The following NTN1 variants were observed in gnomAD, a reference collection of about 807,000 sequenced individuals.
NTN1 encodes the protein netrin 1.
NTN1 carries 11 observed loss-of-function variants against 54.2 expected under a neutral mutation model. That is an observed-to-expected ratio of 0.20 (90% CI 0.13 to 0.34). The LOEUF is 0.34. Ranked by LOEUF, NTN1 falls within the 10% of genes least tolerant of loss-of-function variation. NTN1 has a pLI of 1.00. For synonymous variants in NTN1, 371 were observed against 382.0 expected (o/e 0.97, Z 0.33); for missense variants, 740 against 893.1 (o/e 0.83, Z 2.18).
intron 6 of NTN1, among the ~76,000 whole-genome samples, chr17:9,231,357 C>G (rs1024930089): frequency 1.3e-5 from 2 of 152,248 alleles, no homozygotes; most frequent in Non-Finnish European, 2.9e-5. Flanking sequence ...TTTGCAAGCC[C>G]TGACCCCTGA....
chr17:9,183,616 C>T (rs139959681), intron 5 of NTN1: 1 of 254,102 alleles, frequency 3.9e-6, no homozygotes, highest in East Asian at 1.3e-4. Context: ...AGTTACTAGA[C>T]CTGCTGCTAG....
chr17:9,144,161 T>G, intron 2 of NTN1, among the ~76,000 whole-genome samples: 1 of 151,970 alleles, frequency 6.6e-6, no homozygotes, highest in East Asian at 1.9e-4. Flanking sequence ...CTCCTAAAGT[T>G]CTAGGATTAC....
chr17:9,147,225 T>G (rs2092316141), intron 2 of NTN1, among the ~76,000 whole-genome samples: 1 of 152,224 alleles, frequency 6.6e-6, no homozygotes, highest in African/African-American at 2.4e-5. Context: ...GGAAATCCCT[T>G]CCATTAGCTC....
chr17:9,167,303 T>C (rs1414758984), intron 3 of NTN1, among the ~76,000 whole-genome samples: 3 of 152,198 alleles, frequency 2.0e-5, no homozygotes, highest in Non-Finnish European at 4.4e-5. Context: ...CTTTGGGGGC[T>C]CTTTCTCTTT....
chr17:9,088,225 A>G (rs976285077), intron 2 of NTN1, among the ~76,000 whole-genome samples: 2 of 152,214 alleles, frequency 1.3e-5, no homozygotes, highest in African/African-American at 4.8e-5. Flanking sequence ...GTGGGTGCCC[A>G]GTGGGTGTCC....
At chr17:9,213,994 GAC>G (rs1194982481) in intron 5 of NTN1, among the ~76,000 whole-genome samples, 2 of 151,762 alleles carry the variant, frequency 1.3e-5, no homozygotes, top group Non-Finnish European at 2.9e-5. Flanking sequence ...AGTTAAACAT[GAC>G]AGTGTTTTGT....
chr17:9,083,740 A>G (rs1313161704), intron 2 of NTN1, among the ~76,000 whole-genome samples: 1 of 152,240 alleles, frequency 6.6e-6, no homozygotes, highest in Non-Finnish European at 1.5e-5. Context: ...AAGGACAGGT[A>G]GAAGACACTA....
In NTN1 at chr17:9,221,572, C is replaced by G. The variant is rs1464690113; in HGVS notation, c.1486+330C>G. Among the ~76,000 whole-genome samples, 2 of 152,212 alleles carry G rather than the reference C, an allele frequency of 1.3e-5. No homozygotes were observed. The highest frequency in any genetic ancestry group is 4.8e-5 in the African/African-American group (2 of 41,442). On this transcript the variant is annotated intron_variant, in intron 6 of 6. Coordinates refer to ENST00000173229, the MANE Select transcript of NTN1 (RefSeq NM_004822.3). This position sits in a 1 kb window ranked among gnomAD's most constrained non-coding sequence, Gnocchi z 4.5. ...GCTTTACCTCTGTGGTCTTCTGTGT[C>G]TGCATCATACTGCGGGGATTTGACC...
chr17:9,220,223 C>T (rs1905300816), intron 5 of NTN1, among the ~76,000 whole-genome samples: 1 of 152,152 alleles, frequency 6.6e-6, no homozygotes. Context: ...CCTCAGTCTT[C>T]TTGTCTGTGG....
At chr17:9,035,983 C>G (rs2091902170) in intron 2 of NTN1, among the ~76,000 whole-genome samples, 1 of 152,184 alleles carries the variant, frequency 6.6e-6, no homozygotes, top group African/African-American at 2.4e-5. Flanking sequence ...GATGGTGCCA[C>G]TGCACTCCAG....
intron 3 of NTN1, among the ~76,000 whole-genome samples, chr17:9,178,151 TA>T (rs2092406180): frequency 6.6e-6 from 1 of 152,188 alleles, no homozygotes; most frequent in African/African-American, 2.4e-5. Flanking sequence ...GAGCCGAGAT[TA>T]CGCCATTGCA....
At chr17:9,191,342 C>T (rs1277585575) in intron 5 of NTN1, among the ~76,000 whole-genome samples, 3 of 152,148 alleles carry the variant, frequency 2.0e-5, no homozygotes, top group Non-Finnish European at 4.4e-5. Context: ...TGCCTGTAAT[C>T]CCAGTTACTC....
At chr17:9,126,279 C>A (rs1231333229) in intron 2 of NTN1, among the ~76,000 whole-genome samples, 1 of 152,180 alleles carries the variant, frequency 6.6e-6, no homozygotes. Context: ...GAGGCCAAGG[C>A]GGGTAGATCA....
chr17:9,236,720 C>A (rs1055359617), intron 6 of NTN1, among the ~76,000 whole-genome samples: 1 of 152,180 alleles, frequency 6.6e-6, no homozygotes, highest in Non-Finnish European at 1.5e-5. Context: ...TCTGGACTCC[C>A]GGCAGCAAGG....
chr17:9,197,874 T>C (rs1904680312), intron 5 of NTN1, among the ~76,000 whole-genome samples: 1 of 152,142 alleles, frequency 6.6e-6, no homozygotes, highest in South Asian at 2.1e-4. Context: ...CACTTCAGCA[T>C]CTAAAAATCT....
chr17:9,092,574 G>A (rs2092115259), intron 2 of NTN1, among the ~76,000 whole-genome samples: 1 of 152,010 alleles, frequency 6.6e-6, no homozygotes, highest in African/African-American at 2.4e-5. Flanking sequence ...ACAGGTGTGA[G>A]CCATGGCGCC....
chr17:9,239,463 G>A lies in NTN1; in HGVS notation c.1487-177G>A, dbSNP rs1906108985. Among the ~76,000 whole-genome samples the A allele has an allele frequency of 6.6e-6, 1 of 152,194 alleles. No homozygotes were observed. The highest frequency in any genetic ancestry group is 2.4e-5 in the African/African-American group (1 of 41,460). Reference sequence around the variant, plus strand: ...GTGGGAGGCAAGGCTTCTTGGCCCTGTTGTTAGCAGGTGGGGGTCTACGAT... The same window carrying A: ...GTGGGAGGCAAGGCTTCTTGGCCCTATTGTTAGCAGGTGGGGGTCTACGAT... On this transcript the variant is annotated intron_variant, in intron 6 of 6. Coordinates refer to ENST00000173229, the MANE Select transcript of NTN1 (RefSeq NM_004822.3). This position sits in a 1 kb window ranked among gnomAD's most constrained non-coding sequence, Gnocchi z 5.2.
chr17:9,028,088 G>A (rs1371691720), intron 2 of NTN1, among the ~76,000 whole-genome samples: 1 of 151,848 alleles, frequency 6.6e-6, no homozygotes, highest in African/African-American at 2.4e-5. Context: ...TCACGCCACT[G>A]TACTCCAGCC....
At chr17:9,190,980 T>C (rs372342665) in intron 5 of NTN1, among the ~76,000 whole-genome samples, 2 of 152,338 alleles carry the variant, frequency 1.3e-5, no homozygotes, top group South Asian at 4.1e-4. Flanking sequence ...AAACCGGCTA[T>C]TTATTTTAAA....
Sources: gnomAD v4.1 joint callset for allele counts (sites outside exome capture counted in the v4.1 genomes callset) on GRCh38, gnomAD v4.1.1 for gene constraint, Gnocchi (gnomAD v3.1) non-coding constraint, MANE v1.5 for transcripts, NCBI Gene and HGNC (gene_info 2026-07-23, HGNC 2026-07-21) for gene names.